Variants in DDX60L observed in about 807,000 individuals in gnomAD.
DDX60L encodes DExD/H-box 60 like, also known as probable ATP-dependent RNA helicase DDX60-like.
DDX60L carries 191 observed loss-of-function variants against 211.6 expected under a neutral mutation model. That is an observed-to-expected ratio of 0.90 (90% CI 0.80 to 1.02). The LOEUF (loss-of-function observed/expected upper bound fraction) is 1.02. Among genes scored for constraint, DDX60L ranks in the 50% least tolerant of loss-of-function variants. DDX60L has a pLI of 0.00. For missense variants in DDX60L, 2,007 were observed against 1,984.1 expected, an observed-to-expected ratio of 1.01 and a Z score of -0.22; for synonymous variants, 706 against 694.1, an observed-to-expected ratio of 1.02 and a Z score of -0.27.
At chr4:168,360,051 A>T (rs1738839330) in intron 37 of DDX60L, among the ~76,000 whole-genome samples, 1 of 152,208 alleles carries the variant, frequency 6.6e-6, no homozygotes, top group African/African-American at 2.4e-5. Flanking sequence ...ATTGGAAATT[A>T]CATCTTCTAT....
intron 25 of DDX60L, among the ~76,000 whole-genome samples, chr4:168,403,153 T>C (rs1747128059): frequency 6.6e-6 from 1 of 152,188 alleles, no homozygotes; most frequent in Non-Finnish European, 1.5e-5. Context: ...GAAGAAGAAA[T>C]TTTCTTGTAA....
rs370220679 is a variant in DDX60L, at chr4:168,455,028, C to T, written c.837+1011G>A. On this transcript the variant is annotated intron_variant, in intron 7 of 37. Coordinates refer to ENST00000682922, the MANE Select transcript of DDX60L (RefSeq NM_001012967.3). ...TATCATGTCTATTTCTTCTCTCTCTCCAAATATATTTATTTTTGGCATATA... is the reference window on the plus strand; with the variant it reads ...TATCATGTCTATTTCTTCTCTCTCTTCAAATATATTTATTTTTGGCATATA... Among the ~76,000 whole-genome samples, 36 of 151,684 alleles carry T rather than the reference C, an allele frequency of 2.4e-4. 1 individual carries two copies. Among genetic ancestry groups the T allele is most frequent in the African/African-American group, 8.5e-4 (35 of 41,322 alleles).
intron 13 of DDX60L, among the ~76,000 whole-genome samples, chr4:168,428,900 C>T (rs1037972137): frequency 2.6e-5 from 4 of 152,074 alleles, no homozygotes; most frequent in Non-Finnish European, 4.4e-5. Context: ...TGTAAACAAG[C>T]ATGGTCTAGT....
At chr4:168,451,205 T>C (rs757973718) in intron 8 of DDX60L, among the ~76,000 whole-genome samples, 5 of 152,232 alleles carry the variant, frequency 3.3e-5, no homozygotes, top group Non-Finnish European at 7.3e-5. Flanking sequence ...CCTCTCATTT[T>C]ACCTAGAAAA....
intron 19 of DDX60L, among the ~76,000 whole-genome samples, chr4:168,418,304 G>A (rs1004635844): frequency 3.3e-5 from 5 of 152,164 alleles, no homozygotes; most frequent in African/African-American, 7.2e-5. Context: ...CTGACCTCAG[G>A]TGATCCACCC....
At chr4:168,420,095 T>C (rs1292952942) in intron 18 of DDX60L, among the ~76,000 whole-genome samples, 166 bp downstream of exon 18, 1 of 152,204 alleles carries the variant, frequency 6.6e-6, no homozygotes, top group African/African-American at 2.4e-5. Context: ...GTTCTTACTT[T>C]TTAGAGTAGA....
At chr4:168,407,686 T>C (rs143468642) in intron 22 of DDX60L, among the ~76,000 whole-genome samples, 32 of 152,280 alleles carry the variant, frequency 2.1e-4, no homozygotes, top group African/African-American at 7.2e-4. Context: ...TGCCTATTAC[T>C]GGTTTCTAGA....
chr4:168,427,326 C>T lies in DDX60L; in HGVS notation c.1678-4G>A. The T allele has an allele frequency of 6.2e-7, 1 of 1,607,484 alleles. No homozygotes were observed. The highest frequency in any genetic ancestry group is 8.5e-7 in the Non-Finnish European group (1 of 1,177,872). On this transcript the variant is annotated splice_region_variant and splice_polypyrimidine_tract_variant and intron_variant, in intron 13 of 37. Transcript: ENST00000682922. ...TAATTTGGTGGGGTTTGGTATTCTG[C>T]TCAATAATAAAAGGAACATATGAAA...
chr4:168,373,123 T>A (rs1344849118), intron 35 of DDX60L, among the ~76,000 whole-genome samples: 1 of 152,204 alleles, frequency 6.6e-6, no homozygotes, highest in East Asian at 1.9e-4. Flanking sequence ...ACATGATGTG[T>A]GACTCTCTGA....
intron 22 of DDX60L, among the ~76,000 whole-genome samples, chr4:168,414,103 C>A (rs1442081723): frequency 6.6e-6 from 1 of 152,082 alleles, no homozygotes; most frequent in East Asian, 1.9e-4. Flanking sequence ...AGGAAAAAAT[C>A]TTTTATCATG....
In DDX60L at chr4:168,358,070, A is replaced by T; in HGVS notation, c.*77T>A. The T allele has an allele frequency of 5.3e-6, 7 of 1,317,922 alleles. No homozygotes were observed. The highest frequency in any genetic ancestry group is 2.6e-5 in the South Asian group (2 of 76,958). 81.6% of individuals were successfully genotyped at this position (1,317,922 alleles called of 1,614,324 possible). A position where few individuals can be genotyped will look rare whatever the true frequency, so the allele number is the denominator to read the frequency against. On this transcript the variant is annotated 3_prime_UTR_variant, in exon 38 of 38. Coordinates refer to ENST00000682922, the MANE Select transcript of DDX60L (RefSeq NM_001012967.3). ...CCAAGACAAACATTTTTTCCATTTCATTGTGTAAGCTTAATTATATCTCTC... is the reference window on the plus strand; with the variant it reads ...CCAAGACAAACATTTTTTCCATTTCTTTGTGTAAGCTTAATTATATCTCTC...
chr4:168,445,119 G>C (rs1754557654), intron 9 of DDX60L, among the ~76,000 whole-genome samples: 1 of 134,506 alleles, frequency 7.4e-6, no homozygotes, highest in African/African-American at 2.7e-5. Context: ...CAACAAAATT[G>C]ATAGACCTCT....
chr4:168,366,076 G>A (rs946694049), intron 36 of DDX60L, among the ~76,000 whole-genome samples: 9 of 152,016 alleles, frequency 5.9e-5, no homozygotes, highest in Admixed American at 5.2e-4. Flanking sequence ...ATACGATCAG[G>A]AATAAGACAA....
intron 19 of DDX60L, among the ~76,000 whole-genome samples, chr4:168,417,586 G>A (rs551085933): frequency 6.6e-6 from 1 of 152,022 alleles, no homozygotes; most frequent in East Asian, 1.9e-4. Context: ...TTTTTCTTCA[G>A]AGTTTGTATC....
At chr4:168,361,345 G>A (rs1739081218) in intron 36 of DDX60L, 134 bp from the exon 37 acceptor site, 1 of 561,994 alleles carries the variant, frequency 1.8e-6, no homozygotes. Flanking sequence ...GCATTCTATT[G>A]TATTAATCAT....
chr4:168,395,846 A>G lies in DDX60L; in HGVS notation c.3657+113T>C, dbSNP rs576432692. On this transcript the variant is annotated intron_variant, in intron 27 of 37. Transcript: ENST00000682922. ...AACAAACAAAATCACACACAGAGAT[A>G]ATCATATTTCAAAGGTATTACACAA... 7 of 743,654 alleles carry G rather than the reference A, an allele frequency of 9.4e-6. No homozygotes were observed. In the African/African-American group the frequency reaches 1.1e-4, roughly 11 times the overall value. The allele number at this position is 743,654 out of a possible 1,614,324, so 46.1% of individuals were successfully genotyped here. A position where few individuals can be genotyped will look rare whatever the true frequency, so the allele number is the denominator to read the frequency against.
chr4:168,454,802 T>C (rs1756302443), intron 7 of DDX60L, among the ~76,000 whole-genome samples: 1 of 142,912 alleles, frequency 7.0e-6, no homozygotes, highest in African/African-American at 2.7e-5. Flanking sequence ...AATGTTGTTG[T>C]CATTTGTTGG....
chr4:168,442,465 T>A (rs1297503886), intron 9 of DDX60L, among the ~76,000 whole-genome samples: 5 of 152,154 alleles, frequency 3.3e-5, no homozygotes, highest in Admixed American at 6.5e-5. Flanking sequence ...CGCCCGCCAT[T>A]GCCCAGGCTT....
chr4:168,372,748 A>T (rs1006516592), intron 35 of DDX60L, among the ~76,000 whole-genome samples: 2 of 140,842 alleles, frequency 1.4e-5, no homozygotes, highest in African/African-American at 2.6e-5. Context: ...GGGGAAAGGG[A>T]GGGGAGTCGA....
Sources: gnomAD v4.1 joint callset for allele counts (sites outside exome capture counted in the v4.1 genomes callset) on GRCh38, gnomAD v4.1.1 for gene constraint, MANE v1.5 for transcripts, NCBI Gene and HGNC (gene_info 2026-07-23, HGNC 2026-07-21) for gene names.